The following SNX4 variants were observed in gnomAD, a reference collection of about 807,000 sequenced individuals.
The protein encoded by SNX4 is sorting nexin 4.
A neutral mutation model predicts 70.8 loss-of-function variants in SNX4; 49 were observed. The ratio of observed to expected loss-of-function variants is 0.69; its 90% CI spans 0.55 to 0.88. SNX4 has a LOEUF of 0.88. SNX4 is among the 40% of genes least tolerant of loss of function. The pLI, the probability that SNX4 is intolerant of heterozygous loss-of-function variation, is 0.00. For synonymous variants in SNX4, 206 were observed against 183.8 expected (o/e 1.12, Z -0.98); for missense variants, 528 against 544.8 (o/e 0.97, Z 0.31).
At chr3:125,470,717 G>C (rs1025922582) in intron 8 of SNX4, among the ~76,000 whole-genome samples, 1 of 152,068 alleles carries the variant, frequency 6.6e-6, no homozygotes, top group Non-Finnish European at 1.5e-5. Context: ...CAAAAAGAAA[G>C]GTTTAGAGCT....
intron 1 of SNX4, among the ~76,000 whole-genome samples, chr3:125,506,083 A>G (rs1323491243): frequency 6.6e-6 from 1 of 152,216 alleles, no homozygotes; most frequent in Admixed American, 6.5e-5. Context: ...GCATGGAGAC[A>G]GCCTACAGTA....
At chr3:125,457,648 GCTCACT>G (rs1161315792) in intron 10 of SNX4, among the ~76,000 whole-genome samples, 2 of 149,496 alleles carry the variant, frequency 1.3e-5, no homozygotes, top group Non-Finnish European at 3.0e-5. Flanking sequence ...CGCGATCTCG[GCTCACT>G]GCAACCTCCG....
chr3:125,503,061 C>T (rs1491004092), intron 2 of SNX4, among the ~76,000 whole-genome samples: 2 of 151,710 alleles, frequency 1.3e-5, no homozygotes, highest in Non-Finnish European at 2.9e-5. Flanking sequence ...CTGGGACTAC[C>T]ACACCTGGCT....
chr3:125,483,370 G>A (rs958784209), intron 6 of SNX4, among the ~76,000 whole-genome samples: 1 of 151,962 alleles, frequency 6.6e-6, no homozygotes, highest in African/African-American at 2.4e-5. Context: ...GTCTTCTGGA[G>A]CTTCTCCAGA....
At chr3:125,467,701 C>T (rs1284235848) in intron 9 of SNX4, among the ~76,000 whole-genome samples, 1 of 152,186 alleles carries the variant, frequency 6.6e-6, no homozygotes, top group Non-Finnish European at 1.5e-5. Context: ...GCGTGAGCCA[C>T]TGCACCTGGC....
At chr3:125,502,656 G>A (rs1934954877) in intron 2 of SNX4, among the ~76,000 whole-genome samples, 1 of 151,678 alleles carries the variant, frequency 6.6e-6, no homozygotes, top group Admixed American at 6.6e-5. Flanking sequence ...GGATCACGAG[G>A]TCAGAAATTC....
Position 125,497,899 on chromosome 3 carries a change from G to A in SNX4, c.484C>T (p.Leu162Phe). The part of the protein sequence containing the change: ...ERRRIGLENF[L>F]LRIASHPILC... ...ATGGGATGTGAAGCAATCCTCAAGA[G>A]AAAGTTTTCTAAACCAATCCGTCGC... is the stretch of plus-strand genomic sequence containing the variant. The change falls in exon 4 of 14, where the codon CTC (leucine) becomes TTC (phenylalanine). Residue 162 changes from leucine (L) to phenylalanine (F), a missense_variant. By Grantham distance (22) the Leu-to-Phe change is conservative. Coordinates refer to ENST00000251775, the MANE Select transcript of SNX4 (RefSeq NM_003794.4). 1 of 1,614,132 alleles carries A rather than the reference G, an allele frequency of 6.2e-7. No homozygotes were observed. Among genetic ancestry groups the A allele is most frequent in the Non-Finnish European group, 8.5e-7 (1 of 1,179,996 alleles).
At chr3:125,481,325 GTAT>G (rs2107546190) in intron 6 of SNX4, among the ~76,000 whole-genome samples, 1 of 151,744 alleles carries the variant, frequency 6.6e-6, no homozygotes, top group African/African-American at 2.4e-5. Context: ...TTCCTTGTCA[GTAT>G]TATTTTCTCA....
chr3:125,462,753 T>C (rs911452782), intron 9 of SNX4, among the ~76,000 whole-genome samples: 1 of 152,182 alleles, frequency 6.6e-6, no homozygotes, highest in African/African-American at 2.4e-5. Flanking sequence ...AGATTGACAT[T>C]AGATAAGGAA....
In SNX4 at chr3:125,446,867, A is replaced by T. The variant is rs1933435739; in HGVS notation, c.*912T>A. 1 of 152,596 alleles carries T rather than the reference A, an allele frequency of 6.6e-6. No homozygotes were observed. The highest frequency in any genetic ancestry group is 6.5e-5 in the Admixed American group (1 of 15,276). The allele number at this position is 152,596 out of a possible 1,614,324, so 9.5% of individuals were successfully genotyped here. A position where few individuals can be genotyped will look rare whatever the true frequency, so the allele number is the denominator to read the frequency against. Reference sequence around the variant, plus strand: ...ATACTACAAACACACATACAAAAAAACAATATAATTTATCTTTACAAAAAT... The same window carrying T: ...ATACTACAAACACACATACAAAAAATCAATATAATTTATCTTTACAAAAAT... On this transcript the variant is annotated 3_prime_UTR_variant, in exon 14 of 14. Coordinates refer to ENST00000251775, the MANE Select transcript of SNX4 (RefSeq NM_003794.4).
chr3:125,486,670 C>A (rs572290390), intron 6 of SNX4, among the ~76,000 whole-genome samples: 1 of 152,098 alleles, frequency 6.6e-6, no homozygotes, highest in Non-Finnish European at 1.5e-5. Context: ...CAGTTTACCA[C>A]CTAGATTTTG....
chr3:125,460,803 T>TA lies in SNX4; in HGVS notation c.911dup (p.Leu304PhefsTer19). 2 of 1,566,402 alleles carry TA rather than the reference T, an allele frequency of 1.3e-6. No individual in the cohort carries two copies. The highest frequency in any genetic ancestry group is 2.4e-5 in the South Asian group (2 of 82,028). On this transcript the variant is annotated frameshift_variant, in exon 10 of 14. Coordinates refer to ENST00000251775, the MANE Select transcript of SNX4 (RefSeq NM_003794.4). LOFTEE classifies it high-confidence loss of function. ...CTTCTGCATAAAAAAGATACTCTTTTAACTGATCTGCATAATGTTCTTCAT... is the reference window on the plus strand; with the variant it reads ...CTTCTGCATAAAAAAGATACTCTTTTAAACTGATCTGCATAATGTTCTTCAT...
intron 6 of SNX4, among the ~76,000 whole-genome samples, chr3:125,488,122 T>C (rs1418349976): frequency 6.7e-6 from 1 of 149,972 alleles, no homozygotes; most frequent in Non-Finnish European, 1.5e-5. Context: ...CCACTCAATT[T>C]TGCTAACTCT....
At chr3:125,514,054 G>T (rs556299136) in intron 1 of SNX4, among the ~76,000 whole-genome samples, 12 of 150,664 alleles carry the variant, frequency 8.0e-5, no homozygotes, top group African/African-American at 2.7e-4. Context: ...TTTTTTAAAG[G>T]GCACTAATCC....
At chr3:125,467,632 T>A (rs1364090493) in intron 9 of SNX4, among the ~76,000 whole-genome samples, 2 of 152,128 alleles carry the variant, frequency 1.3e-5, no homozygotes, top group Non-Finnish European at 2.9e-5. Context: ...AGGCTGGTCT[T>A]GAACTCCTAG....
At chr3:125,469,334 T>C (rs1934110836) in intron 9 of SNX4, 120 bp downstream of exon 9, 1 of 641,102 alleles carries the variant, frequency 1.6e-6, no homozygotes, top group Non-Finnish European at 2.8e-6. Context: ...GTCAGATATG[T>C]ACACATAGAG....
intron 2 of SNX4, among the ~76,000 whole-genome samples, chr3:125,499,437 T>G (rs1401308784): frequency 6.6e-6 from 1 of 152,190 alleles, no homozygotes; most frequent in African/African-American, 2.4e-5. Context: ...TTTTATCATT[T>G]TTTAAGTTTG....
intron 5 of SNX4, 123 bp downstream of exon 5, chr3:125,497,218 A>T: frequency 1.7e-6 from 1 of 589,202 alleles, no homozygotes; most frequent in African/African-American, 1.9e-5. Flanking sequence ...CTTACCAATG[A>T]TATTTATTGT....
At chr3:125,508,587 T>C (rs1327527073) in intron 1 of SNX4, among the ~76,000 whole-genome samples, 2 of 143,482 alleles carry the variant, frequency 1.4e-5, no homozygotes, top group African/African-American at 5.2e-5. Context: ...AAAAAGAAAA[T>C]GTAGCATAAA....
Sources: allele counts gnomAD v4.1 joint callset (sites outside exome capture counted in the v4.1 genomes callset), GRCh38; gene constraint gnomAD v4.1.1; transcripts MANE v1.5; gene names NCBI Gene and HGNC (gene_info 2026-07-23, HGNC 2026-07-21).